Variants in AKR7A2 observed in about 807,000 individuals in gnomAD.
AKR7A2 encodes the protein aldo-keto reductase family 7 member A2.
AKR7A2 carries 29 observed loss-of-function variants against 37.3 expected under a neutral mutation model. The ratio of observed to expected loss-of-function variants is 0.78; its 90% confidence interval spans 0.58 to 1.06. The LOEUF (loss-of-function observed/expected upper bound fraction) is 1.06. Ranked by LOEUF, AKR7A2 falls within the 50% of genes least tolerant of loss-of-function variation. The pLI is 0.00. For missense variants in AKR7A2, 529 were observed against 497.9 expected, an observed-to-expected ratio of 1.06 and a Z score of -0.59; for synonymous variants, 228 against 217.8, an observed-to-expected ratio of 1.05 and a Z score of -0.41.
At chr1:19,306,330 C>T (rs2093761641) in intron 5 of AKR7A2, among the ~76,000 whole-genome samples, 183 bp from the exon 6 acceptor site, 1 of 152,176 alleles carries the variant, frequency 6.6e-6, no homozygotes, top group Non-Finnish European at 1.5e-5. Context: ...ATGCTGGGCC[C>T]CTCAGCAGAG....
rs565399801 is a variant in AKR7A2 at position 19,312,036 on chromosome 1, A to G, written c.89T>C (p.Met30Thr). 3.6e-6 allele frequency: 5 copies of G among 1,402,872 alleles called. 1 individual carries two copies. The South Asian group carries it at 6.4e-5, about 18-fold the overall frequency. 86.9% of individuals were successfully genotyped at this position (1,402,872 alleles called of 1,614,324 possible). A position where few individuals can be genotyped will look rare whatever the true frequency, so the allele number is the denominator to read the frequency against. ...GACCCGCGGTGGCGGTGGCCGGGACATGGCGAGCGCGCGGGCCTCGGGCGG... is the reference window on the plus strand; with the variant it reads ...GACCCGCGGTGGCGGTGGCCGGGACGTGGCGAGCGCGCGGGCCTCGGGCGG... ...SPPPEARALA[M>T]SRPPPPRVAS... is the part of the protein sequence containing the mutation. The change falls in exon 1 of 7, where the codon ATG (methionine) becomes ACG (threonine). Residue 30 changes from methionine to threonine, a missense_variant. By Grantham distance (81) the Met-to-Thr change is moderately conservative. Coordinates refer to ENST00000235835, the MANE Select transcript of AKR7A2 (RefSeq NM_003689.4).
At position 19,312,032 on chromosome 1, in the gene AKR7A2, G is replaced by A; in HGVS notation, c.93C>T (p.Ser31=). The A allele has an allele frequency of 7.1e-7, 1 of 1,411,924 alleles. No homozygotes were observed. The highest frequency in any genetic ancestry group is 9.2e-7 in the Non-Finnish European group (1 of 1,090,062). The allele number at this position is 1,411,924 out of a possible 1,614,324, so 87.5% of individuals were successfully genotyped here. ...PPPEARALAM[S]RPPPPRVASV... ...AGGCGACCCGCGGTGGCGGTGGCCG[G>A]GACATGGCGAGCGCGCGGGCCTCGG... The change falls in exon 1 of 7, where the codon TCC becomes TCT. Residue 31 remains serine, a synonymous_variant. Transcript: ENST00000235835.
chr1:19,304,349 C>T lies in AKR7A2; in HGVS notation c.956G>A (p.Ser319Asn), dbSNP rs1345102998. 6.2e-6 allele frequency: 10 copies of T among 1,614,040 alleles called. No homozygotes were observed. Among genetic ancestry groups the T allele is most frequent in the Non-Finnish European group, 7.6e-6 (9 of 1,180,036 alleles). ...CAAGTTCTGCTCCAGCTGCTCCAGG[C>T]TGGACATGCCCAGGATGACCGCGTC... ...HGDAVILGMSSLEQLEQNLAA... is the reference protein window; with the variant it reads ...HGDAVILGMSNLEQLEQNLAA... The change falls in exon 7 of 7, where the codon AGC becomes AAC. Residue 319 changes from serine to asparagine, a missense_variant. Coordinates refer to ENST00000235835, the MANE Select transcript of AKR7A2 (RefSeq NM_003689.4).
Position 19,308,602 on chromosome 1 carries a change from T to G in AKR7A2, c.339A>C (p.Ser113=), listed in dbSNP as rs1558139253. 1.2e-6 allele frequency: 2 copies of G among 1,614,182 alleles called. No homozygotes were observed. The highest frequency in any genetic ancestry group is 1.7e-6 in the Non-Finnish European group (2 of 1,180,022). Residue 113 remains serine, a synonymous_variant, in exon 2 of 7, where the codon TCA becomes TCC. Coordinates refer to ENST00000235835, the MANE Select transcript of AKR7A2 (RefSeq NM_003689.4). ...ATKANPWDGK[S]LKPDSVRSQL... ...GGGACCGGACACTGTCAGGCTTTAG[T>G]GATTTTCCATCCCAAGGGTTGGCCT...
intron 1 of AKR7A2, 55 bp downstream of exon 1, chr1:19,311,772 T>C (rs1378475582): frequency 6.2e-7 from 1 of 1,604,954 alleles, no homozygotes; most frequent in African/African-American, 1.3e-5. Context: ...GGTGCACGGC[T>C]GGGGACAGGC....
At chr1:19,311,033 T>C (rs1462077013) in intron 1 of AKR7A2, among the ~76,000 whole-genome samples, 2 of 152,188 alleles carry the variant, frequency 1.3e-5, no homozygotes, top group African/African-American at 4.8e-5. Context: ...AAACCAAGTC[T>C]TTGCACAGAC....
At position 19,307,361 on chromosome 1, in the gene AKR7A2, C is replaced by T; in HGVS notation, c.641G>A (p.Cys214Tyr). 6.2e-7 allele frequency: 1 copy of T among 1,613,992 alleles called. No individual in the cohort carries two copies. The highest frequency in any genetic ancestry group is 8.5e-7 in the Non-Finnish European group (1 of 1,179,942). ...GAACCTCAGTCCAAAGTGCCTGAGGCAGGGGAAGAGCTCCGTTTCCACCTG... is the reference window on the plus strand; with the variant it reads ...GAACCTCAGTCCAAAGTGCCTGAGGTAGGGGAAGAGCTCCGTTTCCACCTG... Reference protein sequence around the residue: ...TRQVETELFPCLRHFGLRFYA... With the variant: ...TRQVETELFPYLRHFGLRFYA... Residue 214 changes from cysteine (C) to tyrosine (Y), a missense_variant, in exon 4 of 7, where the codon TGC becomes TAC. By Grantham distance (194) the Cys-to-Tyr change is radical (BLOSUM62 -2). Transcript: ENST00000235835.
intron 6 of AKR7A2, among the ~76,000 whole-genome samples, 198 bp from the exon 7 acceptor site, chr1:19,304,584 G>A (rs1442653018): frequency 2.6e-5 from 4 of 152,026 alleles, no homozygotes; most frequent in African/African-American, 7.2e-5. Context: ...ACTGCCGCAC[G>A]ACGCTTCCAC....
intron 3 of AKR7A2, chr1:19,307,668 C>G (rs2093764211): frequency 3.5e-6 from 2 of 573,854 alleles, no homozygotes; most frequent in Admixed American, 6.1e-5. Context: ...ATCACAAAAT[C>G]CCTGCTTCCA....
At position 19,307,052 on chromosome 1, in the gene AKR7A2, C is replaced by CT. The variant is rs777615652; in HGVS notation, c.737dup (p.Pro247AlafsTer9). 5 of 1,614,130 alleles carry CT rather than the reference C, an allele frequency of 3.1e-6. No homozygotes were observed. Among genetic ancestry groups the CT allele is most frequent in the Non-Finnish European group, 4.2e-6 (5 of 1,180,058 alleles). The stretch of plus-strand genomic sequence containing the variant: ...TATTCCCAAAGAAGCGGCCCACAGG[C>CT]TGTTTCCCGTCCTTGTCCTCATACT... On this transcript the variant is annotated frameshift_variant, in exon 5 of 7. Transcript: ENST00000235835. LOFTEE classifies it high-confidence loss of function.
chr1:19,310,263 C>T (rs879215593), intron 1 of AKR7A2, among the ~76,000 whole-genome samples: 7 of 152,146 alleles, frequency 4.6e-5, no homozygotes, highest in Admixed American at 3.3e-4. Flanking sequence ...TTCCCCACAA[C>T]GCCCCAGGCA....
At chr1:19,303,358 C>T (rs1284272287), downstream of AKR7A2, among the ~76,000 whole-genome samples, 1 of 152,182 alleles carries the variant, frequency 6.6e-6, no homozygotes, top group Non-Finnish European at 1.5e-5. Context: ...CTGCCTGCTG[C>T]CCTGCCCATG....
In AKR7A2 at chr1:19,308,474, C is replaced by T. The variant is rs746942815; in HGVS notation, c.467G>A (p.Cys156Tyr). 1 of 1,613,992 alleles carries T rather than the reference C, an allele frequency of 6.2e-7. No homozygotes were observed. The change falls in exon 2 of 7, where the codon TGC becomes TAC. Residue 156 changes from cysteine (C) to tyrosine (Y), a missense_variant. Cys to Tyr is a radical substitution (Grantham distance 194). Transcript: ENST00000235835. ...GTPVEETLHA[C>Y]QRLHQEGKFV... Reference sequence around the variant, plus strand: ...CCTCACCTCCTGGTGCAGCCGCTGGCAGGCATGCAGCGTCTCTTCCACCGG... The same window carrying T: ...CCTCACCTCCTGGTGCAGCCGCTGGTAGGCATGCAGCGTCTCTTCCACCGG...
chr1:19,306,006 G>A lies in AKR7A2; in HGVS notation c.918+12C>T, dbSNP rs1472274278. 6.2e-7 allele frequency: 1 copy of A among 1,613,578 alleles called. No homozygotes were observed. Among genetic ancestry groups the A allele is most frequent in the Non-Finnish European group, 8.5e-7 (1 of 1,179,912 alleles). ...GAAGGGAAGAAGCTGAGCACCCAGG[G>A]TCGCTGGTTACCTGCAGCTGTGAGT... On this transcript the variant is annotated intron_variant, in intron 6 of 6. Coordinates refer to ENST00000235835, the MANE Select transcript of AKR7A2 (RefSeq NM_003689.4).
chr1:19,307,464 T>C, intron 3 of AKR7A2, 54 bp from the exon 4 acceptor site: 1 of 1,591,882 alleles, frequency 6.3e-7, no homozygotes, highest in Non-Finnish European at 8.6e-7. Context: ...GAAGGAACTG[T>C]TGCCTTCCAC....
At position 19,306,109 on chromosome 1, in the gene AKR7A2, A is replaced by C. The variant is rs1246787399; in HGVS notation, c.827T>G (p.Val276Gly). The change falls in exon 6 of 7, where the codon GTG (valine) becomes GGG (glycine). Residue 276 changes from valine to glycine, a missense_variant. By Grantham distance (109) the Val-to-Gly change is moderately radical. Transcript: ENST00000235835. The part of the protein sequence containing the change: ...KEHHFEAIAL[V>G]EKALQAAYGA... ...ATATGCGGCCTGCAGGGCCTTCTCCACCAACGCAATGGCCTCGAAGTGGTG... is the reference window on the plus strand; with the variant it reads ...ATATGCGGCCTGCAGGGCCTTCTCCCCCAACGCAATGGCCTCGAAGTGGTG... 3 of 1,614,052 alleles carry C rather than the reference A, an allele frequency of 1.9e-6. No individual in the cohort carries two copies. The highest frequency in any genetic ancestry group is 2.5e-6 in the Non-Finnish European group (3 of 1,180,008).
intron 1 of AKR7A2, among the ~76,000 whole-genome samples, chr1:19,310,148 T>C (rs1246401211): frequency 1.3e-5 from 2 of 152,166 alleles, no homozygotes; most frequent in African/African-American, 4.8e-5. Flanking sequence ...TTCTGCACTT[T>C]TCATACTTAG....
At chr1:19,307,524 C>T in intron 3 of AKR7A2, 114 bp from the exon 4 acceptor site, 1 of 1,121,532 alleles carries the variant, frequency 8.9e-7, no homozygotes, top group South Asian at 1.3e-5. Context: ...AATATTCTAA[C>T]ATCACTACTG....
intron 5 of AKR7A2, among the ~76,000 whole-genome samples, chr1:19,306,617 T>TC (rs2093762054): frequency 6.6e-6 from 1 of 151,162 alleles, no homozygotes; most frequent in Admixed American, 6.6e-5. Flanking sequence ...TTTGCATTTT[T>TC]TTTTTGTAGA....
Sources: allele counts gnomAD v4.1 joint callset (sites outside exome capture counted in the v4.1 genomes callset), GRCh38; gene constraint gnomAD v4.1.1; transcripts MANE v1.5; gene names NCBI Gene and HGNC (gene_info 2026-07-23, HGNC 2026-07-21).